CELSR1: variants seen among roughly 807,000 people sequenced by gnomAD.
CELSR1 encodes cadherin EGF LAG seven-pass G-type receptor 1, also known as adhesion G protein-coupled receptor C1.
A neutral mutation model predicts 249.1 loss-of-function variants in CELSR1; 110 were observed. The ratio of observed to expected loss-of-function variants is 0.44; its 90% CI spans 0.38 to 0.52. The LOEUF (loss-of-function observed/expected upper bound fraction) is 0.52, where lower values mean the gene tolerates loss of function less well. Among genes scored for constraint, CELSR1 ranks in the 20% least tolerant of loss-of-function variants. The probability of loss-of-function intolerance (pLI) is 0.00; values close to 1 mark genes in which losing one functional copy is unlikely to be tolerated. For missense variants in CELSR1, 4,109 were observed against 4,296.4 expected (o/e 0.96, Z 1.22); for synonymous variants, 2,113 against 1,900.0 (o/e 1.11, Z -2.92).
At position 46,402,885 on chromosome 22, in the gene CELSR1, A is replaced by T. The variant is rs1036933038; in HGVS notation, c.5227-2983T>A. Among the ~76,000 whole-genome samples, 3 of 152,222 alleles carry T rather than the reference A, an allele frequency of 2.0e-5. No individual in the cohort carries two copies. Among genetic ancestry groups the T allele is most frequent in the Non-Finnish European group, 4.4e-5 (3 of 68,030 alleles). ...TAGCCTAGATTTTAGAAAAACAACT[A>T]TTAGCACACTGCTTATATTATACCT... On this transcript the variant is annotated intron_variant, in intron 9 of 34. Coordinates refer to ENST00000674500, the MANE Select transcript of CELSR1 (RefSeq NM_001378328.1). The surrounding 1 kb of genome is among the most constrained non-coding windows in gnomAD (Gnocchi z 5.0).
chr22:46,483,216 G>A (rs1261311626), intron 1 of CELSR1, among the ~76,000 whole-genome samples: 1 of 152,058 alleles, frequency 6.6e-6, no homozygotes, highest in Non-Finnish European at 1.5e-5. Flanking sequence ...GAAAAAGTAT[G>A]ATTTTGATTA....
In CELSR1 at chr22:46,472,498, C is replaced by T. The variant is rs1218938159; in HGVS notation, c.3545-8153G>A. Reference sequence around the variant, plus strand: ...CAGCGCAGCTGATGCTGGACGGCCCCGGGAGACAGGGGAGTAGGTTTCCTG... The same window carrying T: ...CAGCGCAGCTGATGCTGGACGGCCCTGGGAGACAGGGGAGTAGGTTTCCTG... On this transcript the variant is annotated intron_variant, in intron 1 of 34. Transcript: ENST00000674500. This position sits in a 1 kb window ranked among gnomAD's most constrained non-coding sequence, Gnocchi z 7.0. 6.6e-6 allele frequency among the ~76,000 whole-genome samples: 1 copy of T among 152,040 alleles called. No individual in the cohort carries two copies. Among genetic ancestry groups the T allele is most frequent in the Non-Finnish European group, 1.5e-5 (1 of 68,008 alleles).
At chr22:46,424,623 C>T (rs1321834813) in intron 5 of CELSR1, among the ~76,000 whole-genome samples, 1 of 152,194 alleles carries the variant, frequency 6.6e-6, no homozygotes, top group Non-Finnish European at 1.5e-5. Flanking sequence ...CTCCTGTCCC[C>T]AGCCCAATCC....
At position 46,471,862 on chromosome 22, in the gene CELSR1, G is replaced by C. The variant is rs755749423; in HGVS notation, c.3545-7517C>G. Among the ~76,000 whole-genome samples the C allele has an allele frequency of 3.3e-5, 5 of 152,168 alleles. No individual in the cohort carries two copies. Among genetic ancestry groups the C allele is most frequent in the Non-Finnish European group, 7.3e-5 (5 of 68,034 alleles). On this transcript the variant is annotated intron_variant, in intron 1 of 34. Transcript: ENST00000674500. The surrounding 1 kb of genome is among the most constrained non-coding windows in gnomAD (Gnocchi z 4.9). ...GTGGCTTCCAGCCTTCCCTGGGTCT[G>C]GGACCTGTACAGTTTTCAGGGGCTG... is the stretch of plus-strand genomic sequence containing the variant.
chr22:46,370,140 G>C (rs1205973292), intron 25 of CELSR1: 2 of 473,648 alleles, frequency 4.2e-6, no homozygotes, highest in Non-Finnish European at 8.4e-6. Flanking sequence ...ACGGTGCTTG[G>C]GAGGACCCTG....
intron 1 of CELSR1, among the ~76,000 whole-genome samples, chr22:46,520,974 G>C (rs1302479719): frequency 6.6e-6 from 1 of 152,110 alleles, no homozygotes; most frequent in African/African-American, 2.4e-5. Flanking sequence ...GAATCATACA[G>C]AATTTGTGCT....
At position 46,381,421 on chromosome 22, in the gene CELSR1, G is replaced by T. The variant is rs754719832; in HGVS notation, c.7088+425C>A. Among the ~76,000 whole-genome samples the T allele has an allele frequency of 1.3e-5, 2 of 152,180 alleles. No homozygotes were observed. On this transcript the variant is annotated intron_variant, in intron 21 of 34. Transcript: ENST00000674500. The surrounding 1 kb of genome is among the most constrained non-coding windows in gnomAD (Gnocchi z 6.0). ...GGCGGAGCCTTGGGCTGCTCCCACC[G>T]AGCAGGTTGCAAAGCTGCTTCTGGG...
In CELSR1 at chr22:46,381,077, C is replaced by T. The variant is rs527784693; in HGVS notation, c.7089-122G>A. 102 of 1,084,234 alleles carry T rather than the reference C, an allele frequency of 9.4e-5. 1 individual carries two copies. In the East Asian group the frequency reaches 1.7e-3, roughly 18 times the overall value. The allele number at this position is 1,084,234 out of a possible 1,614,324, so 67.2% of individuals were successfully genotyped here. Reference sequence around the variant, plus strand: ...TTCTAGGGGAGACAGAATCACACTCCGAGAGCTCGGACCCACGGACCCCAC... The same window carrying T: ...TTCTAGGGGAGACAGAATCACACTCTGAGAGCTCGGACCCACGGACCCCAC... On this transcript the variant is annotated intron_variant, in intron 21 of 34. Transcript: ENST00000674500. This position sits in a 1 kb window ranked among gnomAD's most constrained non-coding sequence, Gnocchi z 6.0.
rs2080172575 is a variant in CELSR1, at chr22:46,473,106, CG to C, written c.3545-8762del. Among the ~76,000 whole-genome samples, 1 of 152,032 alleles carries C rather than the reference CG, an allele frequency of 6.6e-6. No individual in the cohort carries two copies. Among genetic ancestry groups the C allele is most frequent in the Non-Finnish European group, 1.5e-5 (1 of 68,012 alleles). On this transcript the variant is annotated intron_variant, in intron 1 of 34. Transcript: ENST00000674500. The surrounding 1 kb of genome is among the most constrained non-coding windows in gnomAD (Gnocchi z 6.6). ...GTGAACCTCCGACTGCTGCCGGCCTCGTGGGCTCTCGGTGCAGGACGGCGGG... is the reference window on the plus strand; with the variant it reads ...GTGAACCTCCGACTGCTGCCGGCCTCTGGGCTCTCGGTGCAGGACGGCGGG...
At chr22:46,524,258 T>G (rs2080715090) in intron 1 of CELSR1, among the ~76,000 whole-genome samples, 1 of 152,118 alleles carries the variant, frequency 6.6e-6, no homozygotes, top group African/African-American at 2.4e-5. Flanking sequence ...GGCACCGCGG[T>G]GGTGGGAAGC....
At position 46,533,811 on chromosome 22, in the gene CELSR1, G is replaced by A. The variant is rs1374544649; in HGVS notation, c.3360C>T (p.Pro1120=). The A allele has an allele frequency of 6.2e-7, 1 of 1,613,748 alleles. No individual in the cohort carries two copies. The highest frequency in any genetic ancestry group is 8.5e-7 in the Non-Finnish European group (1 of 1,179,934). ...CCGGGATGCAGCCGATCACGCCGGTGGGGAAACTGTTGGACTTGTTGGTGA... is the reference window on the plus strand; with the variant it reads ...CCGGGATGCAGCCGATCACGCCGGTAGGGAAACTGTTGGACTTGTTGGTGA... ...NYVTNKSNSF[P]TGVIGCIPAH... Residue 1120 remains proline (P), a synonymous_variant, in exon 1 of 35, where the codon CCC becomes CCT. Transcript: ENST00000674500.
At chr22:46,368,501 G>A (rs1287368280) in intron 27 of CELSR1, among the ~76,000 whole-genome samples, 1 of 151,674 alleles carries the variant, frequency 6.6e-6, no homozygotes, top group Non-Finnish European at 1.5e-5. Context: ...CCCGGGCCGG[G>A]AGCCTCACAC....
intron 1 of CELSR1, among the ~76,000 whole-genome samples, chr22:46,501,566 T>C (rs956804622): frequency 6.6e-6 from 1 of 152,208 alleles, no homozygotes; most frequent in African/African-American, 2.4e-5. Flanking sequence ...TTTCGTGAAG[T>C]GGCATCTCAT....
At position 46,381,574 on chromosome 22, in the gene CELSR1, G is replaced by T. The variant is rs376417564; in HGVS notation, c.7088+272C>A. On this transcript the variant is annotated intron_variant, in intron 21 of 34. Coordinates refer to ENST00000674500, the MANE Select transcript of CELSR1 (RefSeq NM_001378328.1). The surrounding 1 kb of genome is among the most constrained non-coding windows in gnomAD (Gnocchi z 6.0). ...TGGGGTCCCTCTGGGCACAAGATGG[G>T]GTGTATGCTGGGGAGGGGGCATTTC... is the stretch of plus-strand genomic sequence containing the variant. 8.5e-5 allele frequency among the ~76,000 whole-genome samples: 13 copies of T among 152,216 alleles called. No homozygotes were observed.
chr22:46,373,482 T>TG (rs2078879938), intron 24 of CELSR1, among the ~76,000 whole-genome samples: 3 of 56,898 alleles, frequency 5.3e-5, no homozygotes, highest in Admixed American at 1.4e-4. Flanking sequence ...CCCAGTGCTC[T>TG]GGGGTGGGGG....
rs2080853140 is a variant in CELSR1 at position 46,536,182 on chromosome 22, G to A, written c.989C>T (p.Thr330Met). The change falls in exon 1 of 35, where the codon ACG becomes ATG. Residue 330 changes from threonine to methionine, a missense_variant. Around this residue, in one of 7 missense-constraint regions of CELSR1, gnomAD observed 673 missense variants for 636.8 expected, o/e 1.06. Coordinates refer to ENST00000674500, the MANE Select transcript of CELSR1 (RefSeq NM_001378328.1). ...VLRVKAVDYS[T>M]PPRSATTYIT... ...GTAGGTGGTGGCCGAGCGCGGCGGC[G>A]TACTGTAGTCCACGGCTTTCACCCT... 11 of 1,612,396 alleles carry A rather than the reference G, an allele frequency of 6.8e-6. No individual in the cohort carries two copies. The highest frequency in any genetic ancestry group is 1.3e-5 in the African/African-American group (1 of 74,868).
rs1846978762 is a variant in CELSR1 at position 46,365,631 on chromosome 22, C to T, written c.8359G>A (p.Glu2787Lys). 1 of 1,592,968 alleles carries T rather than the reference C, an allele frequency of 6.3e-7. No individual in the cohort carries two copies. The highest frequency in any genetic ancestry group is 1.1e-5 in the South Asian group (1 of 87,600). Reference protein sequence around the residue: ...SSGLVRGSHGEPDASLMPRSC... With the variant: ...SSGLVRGSHGKPDASLMPRSC... ...CTGGGCATGAGGGACGCGTCTGGCT[C>T]TCCGTGGCTGCCCCTCACCAGCCCA... Residue 2787 changes from glutamate (E) to lysine (K), a missense_variant, in exon 31 of 35, where the codon GAG (glutamate) becomes AAG (lysine). Glu to Lys is a moderately conservative substitution (Grantham distance 56, BLOSUM62 1). This residue lies in a region of CELSR1 where 1,805 missense variants were observed against 1,831.6 expected (regional missense o/e 0.99). Coordinates refer to ENST00000674500, the MANE Select transcript of CELSR1 (RefSeq NM_001378328.1).
chr22:46,531,323 A>G (rs953546747), intron 1 of CELSR1, among the ~76,000 whole-genome samples: 1 of 152,024 alleles, frequency 6.6e-6, no homozygotes, highest in African/African-American at 2.4e-5. Flanking sequence ...TTCCTGCCTC[A>G]GCCTCCCGAG....
chr22:46,365,031 C>CG (rs1173943879), intron 32 of CELSR1, among the ~76,000 whole-genome samples, 200 bp downstream of exon 32: 1 of 152,212 alleles, frequency 6.6e-6, no homozygotes, highest in Admixed American at 6.5e-5. Flanking sequence ...TTCCTGCCTC[C>CG]GCTCAGGGGG....
Sources: allele counts gnomAD v4.1 joint callset (sites outside exome capture counted in the v4.1 genomes callset), GRCh38; gene constraint gnomAD v4.1.1; regional missense constraint gnomAD v4.1.1; non-coding constraint Gnocchi (gnomAD v3.1); transcripts MANE v1.5; gene names NCBI Gene and HGNC (gene_info 2026-07-23, HGNC 2026-07-21).